The following GFRA1 variants were observed in gnomAD, a reference collection of about 807,000 sequenced individuals.
GFRA1 encodes GDNF family receptor alpha 1, also known as GDNF family receptor alpha-1.
In GFRA1, 16 loss-of-function variants were observed where a neutral mutation model predicts 51.6. The ratio of observed to expected loss-of-function variants is 0.31; its 90% CI spans 0.21 to 0.47. The LOEUF (loss-of-function observed/expected upper bound fraction) is 0.47, where lower values mean the gene tolerates loss of function less well. GFRA1 is among the 20% of genes least tolerant of loss of function. The pLI, the probability that GFRA1 is intolerant of heterozygous loss-of-function variation, is 1.00. For missense variants in GFRA1, 530 were observed against 594.3 expected (o/e 0.89, Z 1.13); for synonymous variants, 270 against 241.3 (o/e 1.12, Z -1.10).
chr10:116,113,776 G>A (rs2133976804), intron 6 of GFRA1, among the ~76,000 whole-genome samples: 1 of 152,304 alleles, frequency 6.6e-6, no homozygotes, highest in South Asian at 2.1e-4. Context: ...GGGTGATGTG[G>A]AAGTTGTTCA....
chr10:116,184,005 A>G (rs4579856), intron 5 of GFRA1, among the ~76,000 whole-genome samples: 75,237 of 152,212 alleles, frequency 0.49, 19,840 homozygotes, highest in Middle Eastern at 0.62. Flanking sequence ...GCTTGGGAGC[A>G]CTCCAGGGCA....
intron 5 of GFRA1, among the ~76,000 whole-genome samples, chr10:116,161,611 T>C (rs908713969): frequency 2.0e-5 from 3 of 152,194 alleles, no homozygotes; most frequent in Admixed American, 1.3e-4. Flanking sequence ...TCCCCCATAC[T>C]GTTCTCTTGG....
chr10:116,161,371 A>T (rs6585382), intron 5 of GFRA1, among the ~76,000 whole-genome samples: 17,917 of 152,218 alleles, frequency 0.12, 2,818 homozygotes, highest in African/African-American at 0.36. Flanking sequence ...TATGATGAGG[A>T]CCACCATGTT....
intron 5 of GFRA1, among the ~76,000 whole-genome samples, chr10:116,182,812 G>C (rs1962360120): frequency 6.6e-6 from 1 of 152,182 alleles, no homozygotes; most frequent in Non-Finnish European, 1.5e-5. Flanking sequence ...GCAAAGCCCA[G>C]GTCTGAAAGT....
At chr10:116,124,446 G>T (rs932537799) in intron 6 of GFRA1, among the ~76,000 whole-genome samples, 1 of 151,376 alleles carries the variant, frequency 6.6e-6, no homozygotes, top group Non-Finnish European at 1.5e-5. Context: ...GGCCAGGCTG[G>T]TCTCAAACTC....
intron 5 of GFRA1, among the ~76,000 whole-genome samples, chr10:116,207,615 G>GATAT (rs375530867): frequency 1.9e-4 from 19 of 98,460 alleles, no homozygotes; most frequent in African/African-American, 2.9e-4. Context: ...ATATATGATT[G>GATAT]ATATATATAT....
chr10:116,099,874 G>GT (rs1168907549), intron 6 of GFRA1, among the ~76,000 whole-genome samples: 1 of 152,140 alleles, frequency 6.6e-6, no homozygotes, highest in Non-Finnish European at 1.5e-5. Flanking sequence ...TACATGTTAG[G>GT]TATATCTTTA....
chr10:116,093,548 G>A (rs1956441873), intron 8 of GFRA1, among the ~76,000 whole-genome samples, 154 bp downstream of exon 8: 1 of 152,148 alleles, frequency 6.6e-6, no homozygotes, highest in South Asian at 2.1e-4. Flanking sequence ...AAGCAGAAAG[G>A]GAGAAAGACA....
chr10:116,254,587 T>G (rs1365507854), intron 4 of GFRA1, among the ~76,000 whole-genome samples: 1 of 152,024 alleles, frequency 6.6e-6, no homozygotes, highest in East Asian at 1.9e-4. Flanking sequence ...ATTTCACAAT[T>G]AATGTCCTTT....
At chr10:116,187,279 T>C (rs116640248) in intron 5 of GFRA1, among the ~76,000 whole-genome samples, 2 of 152,150 alleles carry the variant, frequency 1.3e-5, no homozygotes, top group Non-Finnish European at 1.5e-5. Context: ...AAATGTCCAT[T>C]TGAGGTCATG....
chr10:116,152,109 T>A (rs1589827989), intron 5 of GFRA1, among the ~76,000 whole-genome samples: 1 of 152,254 alleles, frequency 6.6e-6, no homozygotes, highest in Admixed American at 6.5e-5. Flanking sequence ...TGGGGCAAGA[T>A]TAGACACTGA....
chr10:116,234,615 C>T (rs1178040970), intron 4 of GFRA1, among the ~76,000 whole-genome samples: 5 of 152,114 alleles, frequency 3.3e-5, no homozygotes, highest in African/African-American at 9.7e-5. Context: ...CTAGTATATG[C>T]GAACATTCTA....
At chr10:116,090,280 G>C (rs1956277520) in intron 8 of GFRA1, among the ~76,000 whole-genome samples, 1 of 151,794 alleles carries the variant, frequency 6.6e-6, no homozygotes, top group Non-Finnish European at 1.5e-5. Context: ...GATCATAACT[G>C]TCCCATTTTC....
At chr10:116,232,272 G>C (rs771939268) in intron 4 of GFRA1, among the ~76,000 whole-genome samples, 22 of 152,206 alleles carry the variant, frequency 1.4e-4, no homozygotes, top group Non-Finnish European at 2.4e-4. Context: ...CAAGGAATAT[G>C]CCTTACAGGG....
chr10:116,156,159 T>C (rs1356273239), intron 5 of GFRA1, among the ~76,000 whole-genome samples: 1 of 152,200 alleles, frequency 6.6e-6, no homozygotes, highest in African/African-American at 2.4e-5. Context: ...TTCTGAACTC[T>C]TCTTGGTTAG....
chr10:116,257,236 T>C (rs1260080919), intron 4 of GFRA1, among the ~76,000 whole-genome samples: 1 of 152,136 alleles, frequency 6.6e-6, no homozygotes, highest in Non-Finnish European at 1.5e-5. Flanking sequence ...GCTTCCTGGG[T>C]TGATTCCTGC....
chr10:116,214,339 G>C (rs1203721027), intron 4 of GFRA1, among the ~76,000 whole-genome samples: 1 of 152,176 alleles, frequency 6.6e-6, no homozygotes, highest in African/African-American at 2.4e-5. Context: ...GAGCTCCTGA[G>C]GACAAGAGCA....
At chr10:116,207,756 G>C (rs1269198127) in intron 5 of GFRA1, among the ~76,000 whole-genome samples, 2 of 152,130 alleles carry the variant, frequency 1.3e-5, no homozygotes, top group Non-Finnish European at 2.9e-5. Context: ...CCAGCCTTAA[G>C]GACAGCAGAT....
At chr10:116,116,507 G>A (rs888297126) in intron 6 of GFRA1, among the ~76,000 whole-genome samples, 1 of 152,232 alleles carries the variant, frequency 6.6e-6, no homozygotes, top group South Asian at 2.1e-4. Flanking sequence ...TCAGCAGGGA[G>A]TTAAGGAATC....
Sources: allele counts gnomAD v4.1 joint callset (sites outside exome capture counted in the v4.1 genomes callset), GRCh38; gene constraint gnomAD v4.1.1; transcripts MANE v1.5; gene names NCBI Gene and HGNC (gene_info 2026-07-23, HGNC 2026-07-21).